Variants in CLSTN2 observed in about 807,000 individuals in gnomAD.
CLSTN2 encodes calsyntenin-2.
A neutral mutation model predicts 101.2 loss-of-function variants in CLSTN2; 48 were observed. The ratio of observed to expected loss-of-function variants is 0.47; its 90% confidence interval spans 0.38 to 0.60. The LOEUF is 0.60. Ranked by LOEUF, CLSTN2 falls within the 20% of genes least tolerant of loss-of-function variation. CLSTN2 has a pLI of 0.00. For missense variants in CLSTN2, 1,160 were observed against 1,238.2 expected (o/e 0.94, Z 0.95); for synonymous variants, 481 against 463.6 (o/e 1.04, Z -0.48).
chr3:140,391,004 G>A (rs1235858422), intron 2 of CLSTN2, among the ~76,000 whole-genome samples: 3 of 152,146 alleles, frequency 2.0e-5, no homozygotes, highest in Non-Finnish European at 4.4e-5. Flanking sequence ...CTTTTTGCCT[G>A]CCATGGGCAG....
intron 2 of CLSTN2, among the ~76,000 whole-genome samples, chr3:140,203,265 T>C (rs1306863689): frequency 6.6e-6 from 1 of 152,062 alleles, no homozygotes; most frequent in Non-Finnish European, 1.5e-5. Context: ...CTGGAGGTCA[T>C]GGGTGACCTT....
At chr3:140,354,503 T>C (rs2087643411) in intron 2 of CLSTN2, among the ~76,000 whole-genome samples, 1 of 152,182 alleles carries the variant, frequency 6.6e-6, no homozygotes, top group African/African-American at 2.4e-5. Context: ...ACAAATTTCC[T>C]AGAGCTCTGA....
intron 1 of CLSTN2, among the ~76,000 whole-genome samples, chr3:140,033,692 C>T (rs548364322): frequency 1.3e-5 from 2 of 152,356 alleles, no homozygotes; most frequent in Admixed American, 6.5e-5. Context: ...GGGTTCCTGG[C>T]TCTCAGGGAG....
intron 2 of CLSTN2, among the ~76,000 whole-genome samples, chr3:140,210,969 G>C (rs112567529): frequency 2.2e-4 from 34 of 152,114 alleles, no homozygotes; most frequent in African/African-American, 8.2e-4. Flanking sequence ...TCCATCAACA[G>C]TGCACAGAGA....
At chr3:140,309,054 A>C (rs113504785) in intron 2 of CLSTN2, among the ~76,000 whole-genome samples, 2,182 of 152,362 alleles carry the variant, frequency 0.014, 42 homozygotes, top group African/African-American at 0.047. Context: ...TATTGAGAAC[A>C]TGCTGAGTGC....
Position 140,532,478 on chromosome 3 carries a change from G to A in CLSTN2, c.1499G>A (p.Cys500Tyr). 6.2e-7 allele frequency: 1 copy of A among 1,612,660 alleles called. No homozygotes were observed. Among genetic ancestry groups the A allele is most frequent in the Non-Finnish European group, 8.5e-7 (1 of 1,179,236 alleles). ...GCCATGCAACTCACAGTCGGCGCTT[G>A]TTGGCAAGGTAATCCTAAGTGAAAC... ...HIAMQLTVGA[C>Y]WQGGEVTKPQ... is the part of the protein sequence containing the mutation. The change falls in exon 9 of 17, where the codon TGT becomes TAT. Residue 500 changes from cysteine (C) to tyrosine (Y), a missense_variant. Physicochemically the swap from Cys to Tyr is radical, Grantham distance 194. Coordinates refer to ENST00000458420, the MANE Select transcript of CLSTN2 (RefSeq NM_022131.3).
intron 8 of CLSTN2, among the ~76,000 whole-genome samples, chr3:140,471,383 A>C (rs1933843652): frequency 6.6e-6 from 1 of 152,198 alleles, no homozygotes; most frequent in African/African-American, 2.4e-5. Flanking sequence ...GGGAAGACAC[A>C]GCTTGAGTGA....
intron 10 of CLSTN2, among the ~76,000 whole-genome samples, chr3:140,553,088 C>T (rs147785438): frequency 7.9e-4 from 121 of 152,330 alleles, no homozygotes; most frequent in African/African-American, 2.8e-3. Flanking sequence ...GTGGCATCAA[C>T]CATGCATATG....
chr3:139,962,498 T>C (rs762408854), intron 1 of CLSTN2, among the ~76,000 whole-genome samples: 1 of 152,194 alleles, frequency 6.6e-6, no homozygotes, highest in African/African-American at 2.4e-5. Context: ...TCACTATAGA[T>C]AAGTTTCCCA....
chr3:140,050,511 G>A (rs1260542153), intron 1 of CLSTN2, among the ~76,000 whole-genome samples: 1 of 152,234 alleles, frequency 6.6e-6, no homozygotes, highest in East Asian at 1.9e-4. Context: ...ATTACCAGGA[G>A]CAGTTAGTGG....
intron 7 of CLSTN2, chr3:140,462,956 C>T (rs1345280334): frequency 6.6e-6 from 1 of 152,244 alleles, no homozygotes; most frequent in Non-Finnish European, 1.5e-5. Flanking sequence ...CATTGCCCCA[C>T]CTACCCATGG....
At chr3:140,336,506 C>T (rs758312576) in intron 2 of CLSTN2, among the ~76,000 whole-genome samples, 1 of 152,180 alleles carries the variant, frequency 6.6e-6, no homozygotes, top group Admixed American at 6.5e-5. Context: ...TTCAGAGAAT[C>T]TCCTGAGGTG....
rs374547572 is a variant in CLSTN2, at chr3:140,275,342, A to C, written c.232+99269A>C. Among the ~76,000 whole-genome samples, 60 of 151,872 alleles carry C rather than the reference A, an allele frequency of 4.0e-4. No homozygotes were observed. In the East Asian group the frequency reaches 9.9e-3, roughly 25 times the overall value. On this transcript the variant is annotated intron_variant, in intron 2 of 16. Coordinates refer to ENST00000458420, the MANE Select transcript of CLSTN2 (RefSeq NM_022131.3). ...GGCTGGATTGCAGCAGCACACTCAG[A>C]GCTCACTGCAGACTTCAACTCCTGG...
rs2088614759 is a variant in CLSTN2, at chr3:140,430,266, C to A, written c.787+8992C>A. 2.0e-5 allele frequency among the ~76,000 whole-genome samples: 3 copies of A among 152,190 alleles called. 1 individual carries two copies. Among genetic ancestry groups the A allele is most frequent in the Middle Eastern group, 3.4e-3 (1 of 294 alleles). On this transcript the variant is annotated intron_variant, in intron 5 of 16. Coordinates refer to ENST00000458420, the MANE Select transcript of CLSTN2 (RefSeq NM_022131.3). ...CCTTTTATTTTAATAGATAATCCCCCCTGAGAAATGAAAATACCTCCTGCA... is the reference window on the plus strand; with the variant it reads ...CCTTTTATTTTAATAGATAATCCCCACTGAGAAATGAAAATACCTCCTGCA...
intron 1 of CLSTN2, among the ~76,000 whole-genome samples, chr3:140,164,765 A>T (rs1435681320): frequency 6.6e-6 from 1 of 152,188 alleles, no homozygotes; most frequent in Non-Finnish European, 1.5e-5. Flanking sequence ...CCAAAAGGAT[A>T]TTGCCATATA....
chr3:140,516,550 A>ATT (rs111255841), intron 8 of CLSTN2, among the ~76,000 whole-genome samples: 8,903 of 142,810 alleles, frequency 0.062, 559 homozygotes, highest in African/African-American at 0.16. Context: ...TTCTTTTGGC[A>ATT]TTTTTTTTTT....
At chr3:140,192,250 G>A (rs2010576643) in intron 2 of CLSTN2, among the ~76,000 whole-genome samples, 2 of 151,856 alleles carry the variant, frequency 1.3e-5, no homozygotes, top group South Asian at 4.1e-4. Context: ...GTCTATCTCA[G>A]TAGATATTCT....
chr3:140,514,111 G>C (rs564696681), intron 8 of CLSTN2, among the ~76,000 whole-genome samples: 5 of 151,362 alleles, frequency 3.3e-5, no homozygotes, highest in African/African-American at 4.9e-5. Context: ...TCTGATCTTG[G>C]TTCTTTCTTA....
rs982812385 is a variant in CLSTN2, at chr3:140,201,810, ATG to A, written c.232+25747_232+25748del. ...TATATGCACGCACACACACATGTAT[ATG>A]TGTGTGTGTATGTGTGTGTGTGTAT... is the stretch of plus-strand genomic sequence containing the variant. On this transcript the variant is annotated intron_variant, in intron 2 of 16. Transcript: ENST00000458420. Among the ~76,000 whole-genome samples, 6 of 151,736 alleles carry A rather than the reference ATG, an allele frequency of 4.0e-5. No individual in the cohort carries two copies. In the South Asian group the frequency reaches 6.3e-4, roughly 16 times the overall value.
Sources: allele counts gnomAD v4.1 joint callset (sites outside exome capture counted in the v4.1 genomes callset), GRCh38; gene constraint gnomAD v4.1.1; transcripts MANE v1.5; gene names NCBI Gene and HGNC (gene_info 2026-07-23, HGNC 2026-07-21).